Variants in CAST observed in about 807,000 individuals in gnomAD.
The protein encoded by CAST is MIR583 host.
In CAST, 76 loss-of-function variants were observed where a neutral mutation model predicts 119.6. The observed-to-expected ratio is 0.64, with a 90% CI of 0.53 to 0.77. The LOEUF (loss-of-function observed/expected upper bound fraction) is 0.77, where lower values mean the gene tolerates loss of function less well. Ranked by LOEUF, CAST falls within the 30% of genes least tolerant of loss-of-function variation. The pLI is 0.00. For missense variants in CAST, 953 were observed against 946.5 expected (o/e 1.01, Z -0.09); for synonymous variants, 319 against 331.6 (o/e 0.96, Z 0.41).
chr5:96,331,938 C>T, the CAST span, among the ~76,000 whole-genome samples: 1 of 152,202 alleles, frequency 6.6e-6, no homozygotes, highest in Non-Finnish European at 1.5e-5. Context: ...ATCACACAGT[C>T]AACATGTCAT....
chr5:95,984,785 C>A, the CAST span, among the ~76,000 whole-genome samples: 1 of 152,030 alleles, frequency 6.6e-6, no homozygotes, highest in African/African-American at 2.4e-5. Context: ...TGAAATGTGG[C>A]TAGTTTGAAT....
chr5:96,706,311 T>C (rs973415419), intron 3 of CAST, among the ~76,000 whole-genome samples: 6 of 152,236 alleles, frequency 3.9e-5, no homozygotes, highest in Admixed American at 3.3e-4. Context: ...CTTTTTTCTT[T>C]CTTTATTTTT....
At chr5:96,505,563 A>G in the CAST span, among the ~76,000 whole-genome samples, 9 of 152,208 alleles carry the variant, frequency 5.9e-5, no homozygotes, top group African/African-American at 2.2e-4. Flanking sequence ...TTTAGCCCAT[A>G]GAGAAGGGCC....
chr5:96,593,739 A>G (rs1747004346), intron 1 of CAST, among the ~76,000 whole-genome samples: 2 of 152,218 alleles, frequency 1.3e-5, no homozygotes, highest in African/African-American at 2.4e-5. Context: ...AAGGGATCCC[A>G]GAGAGAGCTC....
intron 11 of CAST, 72 bp downstream of exon 11, chr5:96,738,019 G>A (rs1761994205): frequency 1.4e-5 from 12 of 879,978 alleles, no homozygotes; most frequent in Non-Finnish European, 2.3e-5. Context: ...TGGTCATGAA[G>A]TACAAAAGAA....
the CAST span, among the ~76,000 whole-genome samples, chr5:96,295,041 C>T: frequency 2.0e-5 from 3 of 152,146 alleles, no homozygotes; most frequent in Non-Finnish European, 2.9e-5. Flanking sequence ...GGATCATTCA[C>T]TACAAAGGGA....
chr5:96,165,258 A>G, the CAST span, among the ~76,000 whole-genome samples: 3 of 152,150 alleles, frequency 2.0e-5, no homozygotes, highest in Non-Finnish European at 4.4e-5. Flanking sequence ...GAAGGGGGAT[A>G]GAGCTGGAGC....
chr5:96,050,913 C>T, the CAST span, among the ~76,000 whole-genome samples: 2 of 152,030 alleles, frequency 1.3e-5, no homozygotes, highest in African/African-American at 4.8e-5. Flanking sequence ...TTTTAAAAAC[C>T]TAATTAAAAA....
chr5:96,246,836 A>T, the CAST span, among the ~76,000 whole-genome samples: 1 of 152,214 alleles, frequency 6.6e-6, no homozygotes, highest in Middle Eastern at 3.2e-3. Context: ...GTAAATATTG[A>T]AGTATAATAA....
At chr5:96,419,433 C>T in the CAST span, among the ~76,000 whole-genome samples, 2 of 148,266 alleles carry the variant, frequency 1.3e-5, no homozygotes, top group East Asian at 3.9e-4. Flanking sequence ...CTCTCTCTCT[C>T]TCCCTCTCTC....
chr5:96,203,149 T>A, the CAST span, among the ~76,000 whole-genome samples: 1 of 150,426 alleles, frequency 6.6e-6, no homozygotes, highest in African/African-American at 2.4e-5. Flanking sequence ...TGCACAACCT[T>A]TTTTTTTTAC....
chr5:96,166,647 G>A, the CAST span, among the ~76,000 whole-genome samples: 2 of 152,114 alleles, frequency 1.3e-5, no homozygotes, highest in Admixed American at 6.5e-5. Flanking sequence ...GGAGAAAAAT[G>A]TCTAATGAAT....
At chr5:96,510,003 T>A in the CAST span, among the ~76,000 whole-genome samples, 19 of 152,146 alleles carry the variant, frequency 1.2e-4, no homozygotes, top group Non-Finnish European at 2.6e-4. Context: ...GGATTTTTTT[T>A]TAAAAAAATA....
chr5:96,417,967 C>T, the CAST span, among the ~76,000 whole-genome samples: 1 of 152,324 alleles, frequency 6.6e-6, no homozygotes, highest in South Asian at 2.1e-4. Context: ...AGGCTCAGGT[C>T]AGCAAAAGAA....
chr5:96,170,106 C>T, the CAST span, among the ~76,000 whole-genome samples: 1 of 152,146 alleles, frequency 6.6e-6, no homozygotes, highest in Non-Finnish European at 1.5e-5. Flanking sequence ...GCTTGGCGTC[C>T]GTGATGGTCT....
At chr5:96,743,864 G>A in intron 16 of CAST, 1 of 695,482 alleles carries the variant, frequency 1.4e-6, no homozygotes, top group East Asian at 3.1e-5. Context: ...CAGAATCCTG[G>A]GGGGAGTCAG....
At chr5:96,463,823 T>A in the CAST span, among the ~76,000 whole-genome samples, 1 of 152,208 alleles carries the variant, frequency 6.6e-6, no homozygotes, top group Non-Finnish European at 1.5e-5. Flanking sequence ...CCCTTTATCT[T>A]TCTTTCTTTC....
chr5:96,490,354 C>CTG, the CAST span, among the ~76,000 whole-genome samples: 3,393 of 148,968 alleles, frequency 0.023, 34 homozygotes, highest in East Asian at 0.069. Context: ...ATGTGTGTGT[C>CTG]TGTGTGTGTG....
chr5:96,397,327 C>T, the CAST span: 3 of 1,612,026 alleles, frequency 1.9e-6, no homozygotes, highest in Non-Finnish European at 1.7e-6. Flanking sequence ...TCCTCTCATT[C>T]ACACTTACCA....
Sources: allele counts gnomAD v4.1 joint callset (sites outside exome capture counted in the v4.1 genomes callset), GRCh38; gene constraint gnomAD v4.1.1; transcripts MANE v1.5; gene names NCBI Gene and HGNC (gene_info 2026-07-23, HGNC 2026-07-21).